The following RNF168 variants were observed in gnomAD, a reference collection of about 807,000 sequenced individuals.
RNF168 encodes ring finger protein 168, also known as E3 ubiquitin-protein ligase RNF168.
RNF168 carries 34 observed loss-of-function variants against 34.9 expected under a neutral mutation model. The ratio of observed to expected loss-of-function variants is 0.97; its 90% CI spans 0.74 to 1.30. The LOEUF is 1.30. Among genes scored for constraint, RNF168 ranks in the 50% most tolerant of loss-of-function variants. The pLI, the probability that RNF168 is intolerant of heterozygous loss-of-function variation, is 0.00. For missense variants in RNF168, 725 were observed against 682.5 expected (o/e 1.06, Z -0.69); for synonymous variants, 264 against 254.7 (o/e 1.04, Z -0.35).
chr3:196,475,326 T>TTG lies in RNF168; in HGVS notation c.681-15_681-14insCA, dbSNP rs1732118813. ...GGTGTCAAATACCTAAAAGAAAAGTTTACCAAAGTTTCAATGCTTTCAAAG... is the reference window on the plus strand; with the variant it reads ...GGTGTCAAATACCTAAAAGAAAAGTTTGTACCAAAGTTTCAATGCTTTCAAAG... On this transcript the variant is annotated splice_polypyrimidine_tract_variant and intron_variant, in intron 4 of 5. Transcript: ENST00000318037. 6.6e-7 allele frequency: 1 copy of TTG among 1,513,998 alleles called. No individual in the cohort carries two copies. The highest frequency in any genetic ancestry group is 2.3e-5 in the East Asian group (1 of 44,386). The allele number at this position is 1,513,998 out of a possible 1,614,324, so 93.8% of individuals were successfully genotyped here. A position where few individuals can be genotyped will look rare whatever the true frequency, so the allele number is the denominator to read the frequency against.
rs1176495121 is a variant in RNF168, at chr3:196,471,295, A to T, written c.*524T>A. The T allele has an allele frequency of 1.3e-5, 2 of 151,612 alleles. No homozygotes were observed. The highest frequency in any genetic ancestry group is 2.9e-5 in the Non-Finnish European group (2 of 67,996). The allele number at this position is 151,612 out of a possible 1,614,324, so 9.4% of individuals were successfully genotyped here. ...AACTCCGTCTAAAAAAAAAAAACAA[A>T]CACCAAAGGAAATGCTACAATGCTG... On this transcript the variant is annotated 3_prime_UTR_variant, in exon 6 of 6. Coordinates refer to ENST00000318037, the MANE Select transcript of RNF168 (RefSeq NM_152617.4).
chr3:196,475,852 ATATT>A lies in RNF168; in HGVS notation c.681-544_681-541del, dbSNP rs1732134700. The stretch of plus-strand genomic sequence containing the variant: ...GGCGTGAGCCACTGAGCCCGGCTAA[ATATT>A]TTTTTTTCTTTTCTTTTTTTTGAGA... On this transcript the variant is annotated intron_variant, in intron 4 of 5. Coordinates refer to ENST00000318037, the MANE Select transcript of RNF168 (RefSeq NM_152617.4). Among the ~76,000 whole-genome samples the A allele has an allele frequency of 4.2e-5, 4 of 95,366 alleles. No individual in the cohort carries two copies. In the South Asian group the frequency reaches 1.5e-3, roughly 36 times the overall value. 62.6% of individuals were successfully genotyped at this position (95,366 alleles called of 152,430 possible).
chr3:196,487,633 A>G, intron 2 of RNF168, 55 bp from the exon 3 acceptor site: 3 of 1,474,990 alleles, frequency 2.0e-6, no homozygotes, highest in Non-Finnish European at 2.8e-6. Context: ...GTATACTTGC[A>G]ATATTTCATA....
chr3:196,478,508 C>T (rs368474963), intron 4 of RNF168, among the ~76,000 whole-genome samples: 7 of 152,278 alleles, frequency 4.6e-5, no homozygotes, highest in Middle Eastern at 3.4e-3. Flanking sequence ...GAGTCGCTCT[C>T]GGCCTACTCT....
At chr3:196,476,354 G>T (rs1732149386) in intron 4 of RNF168, among the ~76,000 whole-genome samples, 1 of 151,530 alleles carries the variant, frequency 6.6e-6, no homozygotes, top group South Asian at 2.1e-4. Flanking sequence ...AAAAGTCCAT[G>T]ATTAAATTCC....
At chr3:196,484,459 G>T (rs1577514654) in intron 3 of RNF168, among the ~76,000 whole-genome samples, 1 of 144,052 alleles carries the variant, frequency 6.9e-6, no homozygotes, top group Non-Finnish European at 1.5e-5. Context: ...CAGGCATGAG[G>T]CACCGCGCCC....
intron 4 of RNF168, among the ~76,000 whole-genome samples, chr3:196,478,646 CTTT>C (rs376337663): frequency 6.6e-6 from 1 of 151,856 alleles, no homozygotes; most frequent in African/African-American, 2.4e-5. Flanking sequence ...AATACACACT[CTTT>C]TTGATTTTGT....
At chr3:196,486,661 T>C (rs978897348) in intron 3 of RNF168, among the ~76,000 whole-genome samples, 3 of 152,196 alleles carry the variant, frequency 2.0e-5, no homozygotes, top group African/African-American at 7.2e-5. Context: ...AAACTGTTAA[T>C]AGTGGTTACC....
chr3:196,476,480 AAT>A, intron 4 of RNF168, among the ~76,000 whole-genome samples: 1 of 150,562 alleles, frequency 6.6e-6, no homozygotes, highest in East Asian at 2.0e-4. Flanking sequence ...GCATTGGTGC[AAT>A]CTCGGCTCAC....
intron 3 of RNF168, among the ~76,000 whole-genome samples, chr3:196,486,676 G>A (rs1732431779): frequency 6.6e-6 from 1 of 152,220 alleles, no homozygotes; most frequent in South Asian, 2.1e-4. Flanking sequence ...GTTACCTTTG[G>A]GGATAGAGAC....
chr3:196,477,303 C>T (rs968773475), intron 4 of RNF168, among the ~76,000 whole-genome samples: 1 of 152,128 alleles, frequency 6.6e-6, no homozygotes, highest in African/African-American at 2.4e-5. Flanking sequence ...AGCAGCTAGC[C>T]ATGGCTTTTA....
chr3:196,477,322 GA>G (rs1387721848), intron 4 of RNF168, among the ~76,000 whole-genome samples: 3 of 151,964 alleles, frequency 2.0e-5, no homozygotes, highest in Admixed American at 6.6e-5. Flanking sequence ...TAGAATTAGA[GA>G]AAAAAAGTGA....
At position 196,503,320 on chromosome 3, in the gene RNF168, A is replaced by G; in HGVS notation, c.-147T>C. The G allele has an allele frequency of 1.3e-6, 1 of 750,194 alleles. No individual in the cohort carries two copies. The allele number at this position is 750,194 out of a possible 1,614,324, so 46.5% of individuals were successfully genotyped here. A position where few individuals can be genotyped will look rare whatever the true frequency, so the allele number is the denominator to read the frequency against. On this transcript the variant is annotated 5_prime_UTR_variant, in exon 1 of 6. Transcript: ENST00000318037. ...CAGAATTCGGAGAACAGGAGCATCC[A>G]ACACGTCTTGAAGCAAAAAGGCGCT...
At chr3:196,493,213 A>ACTACAG (rs1732638518) in intron 1 of RNF168, among the ~76,000 whole-genome samples, 1 of 152,220 alleles carries the variant, frequency 6.6e-6, no homozygotes, top group Non-Finnish European at 1.5e-5. Flanking sequence ...AAGATGCCCA[A>ACTACAG]CTACAGCAAG....
intron 4 of RNF168, among the ~76,000 whole-genome samples, chr3:196,479,352 T>A (rs1732233705): frequency 6.6e-6 from 1 of 151,844 alleles, no homozygotes; most frequent in South Asian, 2.1e-4. Flanking sequence ...TCACCAAGGC[T>A]GAAGTGCAGT....
chr3:196,488,795 A>G (rs1577517350), intron 1 of RNF168, 112 bp from the exon 2 acceptor site: 1 of 551,214 alleles, frequency 1.8e-6, no homozygotes. Flanking sequence ...AACTGCAGCA[A>G]TATCTCCTTT....
rs552761149 is a variant in RNF168 at position 196,499,007 on chromosome 3, A to G, written c.301+3866T>C. Among the ~76,000 whole-genome samples, 9 of 151,956 alleles carry G rather than the reference A, an allele frequency of 5.9e-5. No homozygotes were observed. The South Asian group carries it at 1.5e-3, about 25-fold the overall frequency. On this transcript the variant is annotated intron_variant, in intron 1 of 5. Coordinates refer to ENST00000318037, the MANE Select transcript of RNF168 (RefSeq NM_152617.4). Reference sequence around the variant, plus strand: ...AAGACTGTCTCAAAAAAAAAAAAAGAATAAATCTTGAACCTTATGCTGAAT... The same window carrying G: ...AAGACTGTCTCAAAAAAAAAAAAAGGATAAATCTTGAACCTTATGCTGAAT...
intron 1 of RNF168, among the ~76,000 whole-genome samples, chr3:196,494,367 G>A (rs974712083): frequency 7.9e-5 from 12 of 152,038 alleles, no homozygotes; most frequent in Admixed American, 6.6e-4. Context: ...CTTCCTAGGC[G>A]GCCAGGACTC....
chr3:196,494,041 G>A (rs1182678167), intron 1 of RNF168, among the ~76,000 whole-genome samples: 2 of 151,372 alleles, frequency 1.3e-5, no homozygotes, highest in African/African-American at 4.9e-5. Flanking sequence ...TTTGTAGACG[G>A]TTTTGCCCTA....
Sources: gnomAD v4.1 joint callset for allele counts (sites outside exome capture counted in the v4.1 genomes callset) on GRCh38, gnomAD v4.1.1 for gene constraint, MANE v1.5 for transcripts, NCBI Gene and HGNC (gene_info 2026-07-23, HGNC 2026-07-21) for gene names.